LEKR1: variants seen among roughly 807,000 people sequenced by gnomAD.
LEKR1 encodes protein LEKR1.
In LEKR1, 59 loss-of-function variants were observed where a neutral mutation model predicts 72.4. The ratio of observed to expected loss-of-function variants is 0.82; its 90% confidence interval spans 0.66 to 1.01. The LOEUF is 1.01. Ranked by LOEUF, LEKR1 falls within the 50% of genes least tolerant of loss-of-function variation. LEKR1 has a pLI of 0.00. For missense variants in LEKR1, 728 were observed against 759.2 expected (o/e 0.96, Z 0.48); for synonymous variants, 257 against 263.2 (o/e 0.98, Z 0.23).
At chr3:157,020,001 C>T (rs941140243) in intron 10 of LEKR1, among the ~76,000 whole-genome samples, 3 of 152,104 alleles carry the variant, frequency 2.0e-5, no homozygotes, top group Non-Finnish European at 4.4e-5. Flanking sequence ...AAATTAAAAA[C>T]AAAGCTAGTA....
intron 3 of LEKR1, among the ~76,000 whole-genome samples, chr3:156,905,121 A>T (rs1462227588): frequency 6.6e-6 from 1 of 152,096 alleles, no homozygotes; most frequent in East Asian, 1.9e-4. Flanking sequence ...AATGTATGGT[A>T]TCAAAGTCAA....
rs552019841 is a variant in LEKR1, at chr3:156,908,463, G to T, written c.264-12112G>T. 3.3e-5 allele frequency among the ~76,000 whole-genome samples: 5 copies of T among 152,104 alleles called. No homozygotes were observed. The South Asian group carries it at 1.0e-3, about 32-fold the overall frequency. ...TCATTCAGTTATTTATATCAGTGTG[G>T]ACTCATTCACTTTAATTTTTTGGGT... On this transcript the variant is annotated intron_variant, in intron 3 of 12. Coordinates refer to ENST00000356539, the MANE Select transcript of LEKR1 (RefSeq NM_001004316.3).
intron 3 of LEKR1, among the ~76,000 whole-genome samples, chr3:156,880,363 T>A (rs994043197): frequency 7.2e-5 from 11 of 152,298 alleles, no homozygotes; most frequent in African/African-American, 2.6e-4. Flanking sequence ...CAGAGAATAC[T>A]ACAAACACCT....
intron 11 of LEKR1, among the ~76,000 whole-genome samples, chr3:157,026,772 C>T (rs1272522140): frequency 1.3e-5 from 2 of 152,156 alleles, no homozygotes; most frequent in Non-Finnish European, 2.9e-5. Flanking sequence ...ATATTTATAA[C>T]ATGACAATAA....
At chr3:156,887,327 A>T (rs1037879157) in intron 3 of LEKR1, among the ~76,000 whole-genome samples, 10 of 151,760 alleles carry the variant, frequency 6.6e-5, no homozygotes, top group African/African-American at 2.4e-4. Flanking sequence ...TGAGGTGCAC[A>T]GTGCAGGTGT....
At chr3:157,031,876 C>A (rs1265838333) in intron 12 of LEKR1, among the ~76,000 whole-genome samples, 1 of 152,024 alleles carries the variant, frequency 6.6e-6, no homozygotes, top group Non-Finnish European at 1.5e-5. Context: ...CTCTAAAGGG[C>A]AAAATGGGCC....
intron 6 of LEKR1, among the ~76,000 whole-genome samples, chr3:156,969,817 A>T (rs575022275): frequency 4.6e-5 from 7 of 152,266 alleles, no homozygotes; most frequent in African/African-American, 1.7e-4. Flanking sequence ...GAGACACAAC[A>T]AAAAAAGAGA....
At chr3:156,960,401 T>A (rs909294553) in intron 6 of LEKR1, among the ~76,000 whole-genome samples, 6 of 152,160 alleles carry the variant, frequency 3.9e-5, no homozygotes, top group African/African-American at 1.4e-4. Flanking sequence ...TTCTCGTGCC[T>A]CAGCCTCTGG....
intron 3 of LEKR1, among the ~76,000 whole-genome samples, chr3:156,919,413 A>G (rs1305692991): frequency 2.6e-5 from 4 of 152,152 alleles, no homozygotes; most frequent in African/African-American, 9.7e-5. Flanking sequence ...GTGGACAGCT[A>G]CTATGCTGCC....
chr3:156,926,864 A>G (rs1030043232), intron 4 of LEKR1, among the ~76,000 whole-genome samples: 3 of 151,872 alleles, frequency 2.0e-5, no homozygotes, highest in Non-Finnish European at 2.9e-5. Context: ...TCTCAAATCT[A>G]TGTCTGTATT....
chr3:156,873,234 A>G (rs1019057824), intron 3 of LEKR1, among the ~76,000 whole-genome samples: 1 of 151,248 alleles, frequency 6.6e-6, no homozygotes, highest in East Asian at 1.9e-4. Context: ...AAGTATAGCT[A>G]CTCCTGTTCA....
intron 6 of LEKR1, among the ~76,000 whole-genome samples, chr3:156,956,625 G>T (rs1165569755): frequency 6.6e-6 from 1 of 152,008 alleles, no homozygotes; most frequent in African/African-American, 2.4e-5. Context: ...TATACAGAAT[G>T]TATCCTAATT....
intron 3 of LEKR1, among the ~76,000 whole-genome samples, chr3:156,899,343 CAT>C (rs1293520687): frequency 8.4e-6 from 1 of 119,718 alleles, no homozygotes; most frequent in Non-Finnish European, 1.7e-5. Flanking sequence ...CATATATACA[CAT>C]ATATACATGT....
At chr3:157,000,525 A>G (rs1731922987) in intron 9 of LEKR1, among the ~76,000 whole-genome samples, 2 of 152,192 alleles carry the variant, frequency 1.3e-5, no homozygotes, top group Non-Finnish European at 2.9e-5. Context: ...TAACGTGGGC[A>G]TTTTAATAAT....
intron 3 of LEKR1, among the ~76,000 whole-genome samples, chr3:156,855,281 T>G (rs897726127): frequency 6.6e-6 from 1 of 152,230 alleles, no homozygotes; most frequent in Non-Finnish European, 1.5e-5. Flanking sequence ...GTTGATGAAG[T>G]GACCACTTTC....
Position 156,873,456 on chromosome 3 carries a change from A to T in LEKR1, c.263+20474A>T, listed in dbSNP as rs555267399. Among the ~76,000 whole-genome samples, 7 of 151,774 alleles carry T rather than the reference A, an allele frequency of 4.6e-5. No homozygotes were observed. The South Asian group carries it at 8.3e-4, about 18-fold the overall frequency. On this transcript the variant is annotated intron_variant, in intron 3 of 12. Transcript: ENST00000356539. ...ATGCAAAGGCATATTCTTGTCATTGATTTCTGGTTGGTTTGTATATCCTTT... is the reference window on the plus strand; with the variant it reads ...ATGCAAAGGCATATTCTTGTCATTGTTTTCTGGTTGGTTTGTATATCCTTT...
chr3:156,992,250 G>A (rs1024508448), intron 7 of LEKR1, among the ~76,000 whole-genome samples: 2 of 152,140 alleles, frequency 1.3e-5, no homozygotes, highest in African/African-American at 4.8e-5. Context: ...AAGAGTTTTA[G>A]TTCCCCTGCA....
At chr3:157,029,913 C>T (rs1734480566) in intron 12 of LEKR1, among the ~76,000 whole-genome samples, 2 of 152,164 alleles carry the variant, frequency 1.3e-5, no homozygotes, top group African/African-American at 4.8e-5. Context: ...CTAGGACAAA[C>T]AGAAAAAGAC....
chr3:156,923,584 A>G (rs761011502), intron 4 of LEKR1, among the ~76,000 whole-genome samples: 1 of 152,176 alleles, frequency 6.6e-6, no homozygotes, highest in Non-Finnish European at 1.5e-5. Flanking sequence ...GTTGATGGAT[A>G]TTTGGATTGT....
Sources: allele counts gnomAD v4.1 joint callset (sites outside exome capture counted in the v4.1 genomes callset), GRCh38; gene constraint gnomAD v4.1.1; transcripts MANE v1.5; gene names NCBI Gene and HGNC (gene_info 2026-07-23, HGNC 2026-07-21).